NXN: variants seen among roughly 807,000 people sequenced by gnomAD.
The protein encoded by NXN is nucleoredoxin 1.
NXN carries 16 observed loss-of-function variants against 48.6 expected under a neutral mutation model. The ratio of observed to expected loss-of-function variants is 0.33; its 90% CI spans 0.22 to 0.50. The LOEUF is 0.50. Ranked by LOEUF, NXN falls within the 20% of genes least tolerant of loss-of-function variation. The probability of loss-of-function intolerance (pLI) is 0.98; values close to 1 mark genes in which losing one functional copy is unlikely to be tolerated. For synonymous variants in NXN, 281 were observed against 269.6 expected (o/e 1.04, Z -0.41); for missense variants, 492 against 605.5 (o/e 0.81, Z 1.97).
chr17:863,506 G>A (rs2068062989), intron 1 of NXN, among the ~76,000 whole-genome samples: 1 of 151,740 alleles, frequency 6.6e-6, no homozygotes, highest in African/African-American at 2.4e-5. Context: ...TGTCCCCCAG[G>A]CTGGAGAGCA....
intron 1 of NXN, among the ~76,000 whole-genome samples, chr17:855,209 T>C (rs2067972634): frequency 6.6e-6 from 1 of 152,120 alleles, no homozygotes; most frequent in Admixed American, 6.6e-5. Context: ...CTAGGAGTTT[T>C]TGAGGCTGCA....
chr17:871,509 A>T (rs1029179903), intron 1 of NXN, among the ~76,000 whole-genome samples: 3 of 145,158 alleles, frequency 2.1e-5, no homozygotes, highest in African/African-American at 7.7e-5. Flanking sequence ...GGTTCAAATG[A>T]TTCTCCTGCC....
chr17:801,091 G>C lies in NXN; in HGVS notation c.1166C>G (p.Pro389Arg). 6.4e-7 allele frequency: 1 copy of C among 1,572,412 alleles called. No homozygotes were observed. Among genetic ancestry groups the C allele is most frequent in the Non-Finnish European group, 8.6e-7 (1 of 1,158,912 alleles). The change falls in exon 8 of 8, where the codon CCT becomes CGT. Residue 389 changes from proline (P) to arginine (R), a missense_variant. Pro to Arg is a moderately radical substitution (Grantham distance 103, BLOSUM62 -2). Coordinates refer to ENST00000336868, the MANE Select transcript of NXN (RefSeq NM_022463.5). ...GATGGTGAGCAAAGGGGCAGCCTCA[G>C]GCAGGTTGGTGTAATCTCGCAGGGA... ...TDSLRDYTNLPEAAPLLTILD... is the reference protein window; with the variant it reads ...TDSLRDYTNLREAAPLLTILD...
intron 1 of NXN, among the ~76,000 whole-genome samples, chr17:934,429 C>A (rs1046385916): frequency 1.4e-5 from 2 of 144,042 alleles, no homozygotes; most frequent in Non-Finnish European, 3.0e-5. Flanking sequence ...CTGGGCAACA[C>A]AACGAGACTC....
chr17:819,536 C>G lies in NXN; in HGVS notation c.723G>C (p.Glu241Asp), dbSNP rs146817876. ...TCTCACTGAAGTACTGTTTGAAGGA[C>G]TCCTCCGACCTACAGAGAGACACAC... ...IIFVSADRSE[E>D]SFKQYFSEMP... The change falls in exon 5 of 8, where the codon GAG (glutamate) becomes GAC (aspartate). Residue 241 changes from glutamate to aspartate, a missense_variant. This residue lies in a region of NXN where 303 missense variants were observed against 388.3 expected (regional missense o/e 0.78). Transcript: ENST00000336868. 9 of 1,598,590 alleles carry G rather than the reference C, an allele frequency of 5.6e-6. No homozygotes were observed. In the African/African-American group the frequency reaches 1.2e-4, roughly 21 times the overall value.
chr17:833,921 C>A (rs1471770162), intron 1 of NXN, among the ~76,000 whole-genome samples: 2 of 152,244 alleles, frequency 1.3e-5, no homozygotes, highest in Non-Finnish European at 2.9e-5. Flanking sequence ...TCTCCCCGCT[C>A]TCCCACTGTC....
intron 1 of NXN, among the ~76,000 whole-genome samples, chr17:962,144 G>A (rs1370410612): frequency 6.6e-6 from 1 of 152,096 alleles, no homozygotes; most frequent in East Asian, 1.9e-4. Flanking sequence ...AAGAAAAGAA[G>A]AAAAGAAGGA....
intron 1 of NXN, among the ~76,000 whole-genome samples, chr17:925,159 A>G (rs1597246838): frequency 1.0e-5 from 1 of 97,220 alleles, no homozygotes; most frequent in Non-Finnish European, 2.3e-5. Flanking sequence ...GACAGGGAGG[A>G]AGAAAGAAGG....
chr17:965,544 A>T (rs1166091816), intron 1 of NXN, among the ~76,000 whole-genome samples: 1 of 152,166 alleles, frequency 6.6e-6, no homozygotes, highest in Non-Finnish European at 1.5e-5. Context: ...TGTGGGCTGA[A>T]TCATAATCCA....
chr17:874,799 G>A (rs2144816938), intron 1 of NXN, among the ~76,000 whole-genome samples: 1 of 152,300 alleles, frequency 6.6e-6, no homozygotes, highest in East Asian at 1.9e-4. Context: ...GCAGCTCCCA[G>A]GCACAAGCCT....
In NXN at chr17:958,380, C is replaced by T. The variant is rs1339750317; in HGVS notation, c.360+20939G>A. 6.6e-6 allele frequency among the ~76,000 whole-genome samples: 1 copy of T among 152,152 alleles called. No individual in the cohort carries two copies. Among genetic ancestry groups the T allele is most frequent in the Non-Finnish European group, 1.5e-5 (1 of 68,026 alleles). ...AACTGGAAGCAGCAGGGCGCGGTGG[C>T]TCGCACCTGTCATCCCAGTGCCTGG... On this transcript the variant is annotated intron_variant, in intron 1 of 7. Transcript: ENST00000336868. The surrounding 1 kb of genome is among the most constrained non-coding windows in gnomAD (Gnocchi z 6.9).
intron 1 of NXN, among the ~76,000 whole-genome samples, chr17:979,021 G>A (rs2069497829): frequency 6.7e-6 from 1 of 148,932 alleles, no homozygotes; most frequent in African/African-American, 2.5e-5. Flanking sequence ...CCCGGGGGCC[G>A]AGGGGGGTCC....
At chr17:943,538 CGGGCTGG>C (rs2069005136) in intron 1 of NXN, among the ~76,000 whole-genome samples, 2 of 152,288 alleles carry the variant, frequency 1.3e-5, no homozygotes, top group South Asian at 4.1e-4. Context: ...AGAATATTAC[CGGGCTGG>C]GCACAGTGGC....
chr17:953,589 A>T (rs2069136148), intron 1 of NXN, among the ~76,000 whole-genome samples: 1 of 152,056 alleles, frequency 6.6e-6, no homozygotes, highest in Non-Finnish European at 1.5e-5. Context: ...AACCTTATAA[A>T]CCTATGTCAA....
At chr17:944,581 A>C (rs1203374348) in intron 1 of NXN, among the ~76,000 whole-genome samples, 1 of 152,224 alleles carries the variant, frequency 6.6e-6, no homozygotes, top group African/African-American at 2.4e-5. Context: ...CTGAAGGACC[A>C]GCCCTTTTTT....
intron 1 of NXN, among the ~76,000 whole-genome samples, chr17:976,664 A>C (rs1329109146): frequency 6.6e-6 from 1 of 152,190 alleles, no homozygotes; most frequent in African/African-American, 2.4e-5. Flanking sequence ...TAGCATCATT[A>C]GCTCACGGGC....
chr17:884,789 G>A (rs758814871), intron 1 of NXN, among the ~76,000 whole-genome samples: 2 of 152,198 alleles, frequency 1.3e-5, no homozygotes, highest in Non-Finnish European at 2.9e-5. Context: ...AGCTGAAGAC[G>A]GATCCCAAGT....
At chr17:808,534 A>G (rs1911717720) in intron 5 of NXN, among the ~76,000 whole-genome samples, 1 of 152,086 alleles carries the variant, frequency 6.6e-6, no homozygotes, top group South Asian at 2.1e-4. Context: ...ACCTCAGGTG[A>G]TCCGCCCACC....
At chr17:922,674 C>A (rs904976719) in intron 1 of NXN, among the ~76,000 whole-genome samples, 1 of 151,692 alleles carries the variant, frequency 6.6e-6, no homozygotes, top group Non-Finnish European at 1.5e-5. Flanking sequence ...GTTTTTGAGA[C>A]GGAGTCTTGC....
Sources: gnomAD v4.1 joint callset for allele counts (sites outside exome capture counted in the v4.1 genomes callset) on GRCh38, gnomAD v4.1.1 for gene constraint, gnomAD v4.1.1 regional missense constraint, Gnocchi (gnomAD v3.1) non-coding constraint, MANE v1.5 for transcripts, NCBI Gene and HGNC (gene_info 2026-07-23, HGNC 2026-07-21) for gene names.